The following MIB2 variants were observed in gnomAD, a reference collection of about 807,000 sequenced individuals.
MIB2 encodes E3 ubiquitin-protein ligase MIB2.
A neutral mutation model predicts 96.6 loss-of-function variants in MIB2; 78 were observed. The observed-to-expected ratio is 0.81, with a 90% confidence interval of 0.67 to 0.97. The LOEUF is 0.97. Ranked by LOEUF, MIB2 falls within the 50% of genes least tolerant of loss-of-function variation. The pLI, the probability that MIB2 is intolerant of heterozygous loss-of-function variation, is 0.00. For synonymous variants in MIB2, 820 were observed against 629.5 expected, an observed-to-expected ratio of 1.30 and a Z score of -4.53; for missense variants, 1,543 against 1,424.0, an observed-to-expected ratio of 1.08 and a Z score of -1.35.
chr1:1,620,686 G>C (rs964944873), intron 2 of MIB2, among the ~76,000 whole-genome samples: 1 of 152,162 alleles, frequency 6.6e-6, no homozygotes, highest in Admixed American at 6.5e-5. Flanking sequence ...AGGCTGGAGT[G>C]GGGGAGCTCA....
In MIB2 at chr1:1,629,144, G is replaced by T; in HGVS notation, c.2214G>T (p.Ser738=). 1 of 1,494,624 alleles carries T rather than the reference G, an allele frequency of 6.7e-7. No homozygotes were observed. The highest frequency in any genetic ancestry group is 1.3e-5 in the South Asian group (1 of 79,528). 92.6% of individuals were successfully genotyped at this position (1,494,624 alleles called of 1,614,324 possible). A position where few individuals can be genotyped will look rare whatever the true frequency, so the allele number is the denominator to read the frequency against. The stretch of plus-strand genomic sequence containing the variant: ...GTCCTGCCGCCCAGCTACAGGCCTC[G>T]GGCCTCCCCGGCAGCGCGGAGCTGA... ...PLQLLSRLQA[S]GLPGSAELTV... Residue 738 remains serine, a synonymous_variant, in exon 17 of 20, where the codon TCG becomes TCT. Coordinates refer to ENST00000355826, the MANE Select transcript of MIB2 (RefSeq NM_001170687.4).
At position 1,615,628 on chromosome 1, in the gene MIB2, C is replaced by A; in HGVS notation, c.-135C>A. On this transcript the variant is annotated 5_prime_UTR_variant, in exon 1 of 20. It adds an upstream start codon to the 5' untranslated region. Coordinates refer to ENST00000355826, the MANE Select transcript of MIB2 (RefSeq NM_001170687.4). The stretch of plus-strand genomic sequence containing the variant: ...GGCGCGATGCGGGCCGTCCTCTCGG[C>A]TGATGGTGCGTGCGGGCGCGGATCT... The A allele has an allele frequency of 6.4e-7, 1 of 1,574,248 alleles. No individual in the cohort carries two copies. The highest frequency in any genetic ancestry group is 2.4e-5 in the East Asian group (1 of 41,814).
At chr1:1,628,972 G>A in intron 16 of MIB2, 161 bp from the exon 17 acceptor site, 1 of 799,030 alleles carries the variant, frequency 1.3e-6, no homozygotes, top group Non-Finnish European at 1.9e-6. Context: ...TCACCTAGCA[G>A]GGCGCCCCTC....
chr1:1,615,549 G>T lies in MIB2; in HGVS notation c.-214G>T. The T allele has an allele frequency of 6.5e-7, 1 of 1,536,128 alleles. No homozygotes were observed. Among genetic ancestry groups the T allele is most frequent in the Non-Finnish European group, 8.7e-7 (1 of 1,145,988 alleles). Reference sequence around the variant, plus strand: ...GCCGCCGCTCTCCTCAGTGCCCGGTGGCCCAGGAGGGCCTGGGAGCCCGAA... The same window carrying T: ...GCCGCCGCTCTCCTCAGTGCCCGGTTGCCCAGGAGGGCCTGGGAGCCCGAA... On this transcript the variant is annotated 5_prime_UTR_variant, in exon 1 of 20. Coordinates refer to ENST00000355826, the MANE Select transcript of MIB2 (RefSeq NM_001170687.4).
At chr1:1,615,379 C>A, upstream of MIB2, 1 of 1,429,346 alleles carries the variant, frequency 7.0e-7, no homozygotes, top group East Asian at 2.8e-5. Context: ...AGCTGCGCCA[C>A]GCAGGGTAGG....
chr1:1,624,935 G>A, intron 5 of MIB2, 34 bp downstream of exon 5: 2 of 1,607,772 alleles, frequency 1.2e-6, no homozygotes. Flanking sequence ...GTCAGGGCTG[G>A]GCTGTGGCTG....
At chr1:1,629,965 T>C (rs1569915635) in intron 19 of MIB2, among the ~76,000 whole-genome samples, 1 of 68,400 alleles carries the variant, frequency 1.5e-5, no homozygotes, top group African/African-American at 6.0e-5. Flanking sequence ...TCACGGCCCC[T>C]CCCAGATCAC....
At position 1,627,137 on chromosome 1, in the gene MIB2, G is replaced by T. The variant is rs766397284; in HGVS notation, c.1304G>T (p.Arg435Met). 1.3e-5 allele frequency: 20 copies of T among 1,595,830 alleles called. No individual in the cohort carries two copies. Among genetic ancestry groups the T allele is most frequent in the Non-Finnish European group, 1.7e-5 (20 of 1,171,666 alleles). Residue 435 changes from arginine (R) to methionine (M), a missense_variant, in exon 11 of 20, where the codon AGG (arginine) becomes ATG (methionine). By Grantham distance (91) the Arg-to-Met change is moderately conservative. Coordinates refer to ENST00000355826, the MANE Select transcript of MIB2 (RefSeq NM_001170687.4). The stretch of plus-strand genomic sequence containing the variant: ...AAGAGTGACCCAGAGCACCCGGGAA[G>T]GCTGGTGGTGGAGGTGGCGCTGGGT... The part of the protein sequence containing the change: ...AQKSDPEHPG[R>M]LVVEVALGNA...
At position 1,627,717 on chromosome 1, in the gene MIB2, G is replaced by T; in HGVS notation, c.1568G>T (p.Arg523Leu). ...AGGGTGCTCCTGAGTGCTGGGTGCCGGGCGGACGCCATCAACAGCACCCAG... is the reference window on the plus strand; with the variant it reads ...AGGGTGCTCCTGAGTGCTGGGTGCCTGGCGGACGCCATCAACAGCACCCAG... ...ATRVLLSAGC[R>L]ADAINSTQST... The change falls in exon 13 of 20, where the codon CGG becomes CTG. Residue 523 changes from arginine (R) to leucine (L), a missense_variant. Arg to Leu is a moderately radical substitution (Grantham distance 102, BLOSUM62 -2). Coordinates refer to ENST00000355826, the MANE Select transcript of MIB2 (RefSeq NM_001170687.4). The T allele has an allele frequency of 6.3e-7, 1 of 1,595,032 alleles. No homozygotes were observed. The highest frequency in any genetic ancestry group is 8.5e-7 in the Non-Finnish European group (1 of 1,178,498).
At position 1,627,131 on chromosome 1, in the gene MIB2, C is replaced by T. The variant is rs1186465419; in HGVS notation, c.1298C>T (p.Pro433Leu). 7 of 1,597,246 alleles carry T rather than the reference C, an allele frequency of 4.4e-6. No homozygotes were observed. The highest frequency in any genetic ancestry group is 2.3e-5 in the East Asian group (1 of 44,028). The change falls in exon 11 of 20, where the codon CCG (proline) becomes CTG (leucine). Residue 433 changes from proline (P) to leucine (L), a missense_variant. Pro to Leu is a moderately conservative substitution (Grantham distance 98, BLOSUM62 -3). Transcript: ENST00000355826. ...LRAQKSDPEHPGRLVVEVALG... is the reference protein window; with the variant it reads ...LRAQKSDPEHLGRLVVEVALG... ...GCCCAGAAGAGTGACCCAGAGCACCCGGGAAGGCTGGTGGTGGAGGTGGCG... is the reference window on the plus strand; with the variant it reads ...GCCCAGAAGAGTGACCCAGAGCACCTGGGAAGGCTGGTGGTGGAGGTGGCG...
At chr1:1,629,046 G>A in intron 16 of MIB2, 87 bp from the exon 17 acceptor site, 1 of 1,311,142 alleles carries the variant, frequency 7.6e-7, no homozygotes, top group Non-Finnish European at 9.9e-7. Context: ...ATGGGGCGCC[G>A]GCTGCTGGGG....
chr1:1,629,453 C>T lies in MIB2; in HGVS notation c.2450C>T (p.Thr817Met), dbSNP rs1196456089. 2 of 1,530,570 alleles carry T rather than the reference C, an allele frequency of 1.3e-6. No homozygotes were observed. The highest frequency in any genetic ancestry group is 8.7e-7 in the Non-Finnish European group (1 of 1,144,914). The allele number at this position is 1,530,570 out of a possible 1,614,324, so 94.8% of individuals were successfully genotyped here. ...ACGCTCGGGACCCCCAACACCGTGA[C>T]GAACCTGCACGTGGGCGCCGCGCCG... ...RQTLGTPNTV[T>M]NLHVGAAPGP... is the part of the protein sequence containing the mutation. The change falls in exon 18 of 20, where the codon ACG (threonine) becomes ATG (methionine). Residue 817 changes from threonine (T) to methionine (M), a missense_variant. Thr to Met is a moderately conservative substitution (Grantham distance 81). Coordinates refer to ENST00000355826, the MANE Select transcript of MIB2 (RefSeq NM_001170687.4).
rs1428656566 is a variant in MIB2 at position 1,625,474 on chromosome 1, C to T, written c.864+46C>T. 1 of 1,554,324 alleles carries T rather than the reference C, an allele frequency of 6.4e-7. No homozygotes were observed. Among genetic ancestry groups the T allele is most frequent in the Non-Finnish European group, 8.7e-7 (1 of 1,148,110 alleles). On this transcript the variant is annotated intron_variant, in intron 7 of 19. Transcript: ENST00000355826. The surrounding 1 kb of genome is among the most constrained non-coding windows in gnomAD (Gnocchi z 5.0). ...GCCCTGTGTGCCCTGCCCTCCCAGC[C>T]CTCCGCCCCCTCAGCCCCTTCCTCC...
intron 2 of MIB2, 88 bp from the exon 3 acceptor site, chr1:1,623,343 G>A (rs1192117939): frequency 6.5e-7 from 1 of 1,537,404 alleles, no homozygotes; most frequent in East Asian, 2.5e-5. Flanking sequence ...AGCCCACTCT[G>A]ACCGGGAGTG....
chr1:1,628,033 C>T lies in MIB2; in HGVS notation c.1695C>T (p.Asp565=), dbSNP rs1644976212. 1.9e-6 allele frequency: 3 copies of T among 1,612,800 alleles called. No homozygotes were observed. The highest frequency in any genetic ancestry group is 1.7e-5 in the Admixed American group (1 of 59,986). Residue 565 remains aspartate, a synonymous_variant, in exon 14 of 20, where the codon GAC becomes GAT. Coordinates refer to ENST00000355826, the MANE Select transcript of MIB2 (RefSeq NM_001170687.4). ...CGCCCCAGCAGGACGCCCACTCGGA[C>T]ACGCCCCTGCACTCCGCCATCTCGG... ...CDVNLPDAHS[D]TPLHSAISAG... is the part of the protein sequence containing the mutation.
intron 2 of MIB2, among the ~76,000 whole-genome samples, chr1:1,622,131 C>A (rs1226380557): frequency 1.3e-5 from 2 of 152,228 alleles, no homozygotes; most frequent in African/African-American, 2.4e-5. Context: ...CCACATCCAC[C>A]CAGTCTCAGG....
chr1:1,619,030 C>A (rs1224287843), intron 2 of MIB2: 2 of 152,496 alleles, frequency 1.3e-5, no homozygotes, highest in Non-Finnish European at 2.9e-5. Context: ...GTGAGAAAGC[C>A]AGGCAGGCAG....
intron 16 of MIB2, 148 bp downstream of exon 16, chr1:1,628,870 T>G: frequency 1.2e-6 from 1 of 802,788 alleles, no homozygotes; most frequent in Non-Finnish European, 1.9e-6. Context: ...GGAGCCAAGT[T>G]CTATGTGATC....
At chr1:1,624,310 C>A in intron 4 of MIB2, 2 of 356,600 alleles carry the variant, frequency 5.6e-6, no homozygotes, top group South Asian at 3.0e-5. Flanking sequence ...AGAGGTGCCA[C>A]CCCGTCCCCT....
Sources: gnomAD v4.1 joint callset for allele counts (sites outside exome capture counted in the v4.1 genomes callset) on GRCh38, gnomAD v4.1.1 for gene constraint, Gnocchi (gnomAD v3.1) non-coding constraint, MANE v1.5 for transcripts, NCBI Gene and HGNC (gene_info 2026-07-23, HGNC 2026-07-21) for gene names.